The following CAMKMT variants were observed in gnomAD, a reference collection of about 807,000 sequenced individuals.
The protein encoded by CAMKMT is CaM KMT.
In CAMKMT, 53 loss-of-function variants were observed where a neutral mutation model predicts 48.0. That is an observed-to-expected ratio of 1.10 (90% CI 0.89 to 1.39). The LOEUF (loss-of-function observed/expected upper bound fraction) is 1.39, where lower values mean the gene tolerates loss of function less well. CAMKMT is among the 40% of genes most tolerant of loss of function. The pLI is 0.00. For missense variants in CAMKMT, 428 were observed against 402.7 expected, an observed-to-expected ratio of 1.06 and a Z score of -0.54; for synonymous variants, 165 against 152.3, an observed-to-expected ratio of 1.08 and a Z score of -0.61.
intron 9 of CAMKMT, 33 bp from the exon 10 acceptor site, chr2:44,766,397 T>G: frequency 6.2e-7 from 1 of 1,612,868 alleles, no homozygotes; most frequent in Non-Finnish European, 8.5e-7. Context: ...CTTCCAGTTT[T>G]AAAATATGTG....
intron 3 of CAMKMT, among the ~76,000 whole-genome samples, chr2:44,671,840 A>G (rs1420380205): frequency 6.6e-6 from 1 of 152,162 alleles, no homozygotes; most frequent in Non-Finnish European, 1.5e-5. Context: ...CCGATTCTCA[A>G]CCACATTTCT....
At chr2:44,506,374 A>T (rs533931816) in intron 3 of CAMKMT, among the ~76,000 whole-genome samples, 1 of 152,264 alleles carries the variant, frequency 6.6e-6, no homozygotes, top group African/African-American at 2.4e-5. Flanking sequence ...GATTTTGTAA[A>T]TAAAGGGATG....
At chr2:44,382,928 C>G (rs1006305793) in intron 2 of CAMKMT, among the ~76,000 whole-genome samples, 1 of 152,184 alleles carries the variant, frequency 6.6e-6, no homozygotes, top group Non-Finnish European at 1.5e-5. Context: ...AAACAAAACA[C>G]CACATACTGG....
intron 3 of CAMKMT, among the ~76,000 whole-genome samples, chr2:44,686,435 AC>A (rs1454559664): frequency 2.6e-5 from 4 of 152,112 alleles, no homozygotes; most frequent in African/African-American, 7.2e-5. Flanking sequence ...AAACAAAAAA[AC>A]AAACCCTCGT....
Position 44,670,805 on chromosome 2 carries a change from A to G in CAMKMT, c.377-33478A>G, listed in dbSNP as rs143240434. On this transcript the variant is annotated intron_variant, in intron 3 of 10. Transcript: ENST00000378494. ...CCTAGGTTATGCTGCTGATCCAGGA[A>G]CCACACTTTAAGAAACGCTGCCTCA... Among the ~76,000 whole-genome samples, 589 of 152,320 alleles carry G rather than the reference A, an allele frequency of 3.9e-3. 3 individuals are homozygous for G. The highest frequency in any genetic ancestry group is 0.014 in the African/African-American group (566 of 41,572).
intron 3 of CAMKMT, among the ~76,000 whole-genome samples, chr2:44,571,280 A>G (rs1168142360): frequency 6.6e-6 from 1 of 152,184 alleles, no homozygotes; most frequent in Non-Finnish European, 1.5e-5. Flanking sequence ...TTCCACATAA[A>G]AGAATGAAGA....
At chr2:44,770,369 T>C (rs1681052429) in intron 10 of CAMKMT, among the ~76,000 whole-genome samples, 1 of 152,260 alleles carries the variant, frequency 6.6e-6, no homozygotes, top group Non-Finnish European at 1.5e-5. Flanking sequence ...GCCTCCACTT[T>C]GGCCTCCAGA....
chr2:44,612,980 C>T (rs1284180227), intron 3 of CAMKMT, among the ~76,000 whole-genome samples: 4 of 152,084 alleles, frequency 2.6e-5, no homozygotes, highest in African/African-American at 7.2e-5. Flanking sequence ...CACATTTCTT[C>T]CAGATACATT....
At chr2:44,693,280 A>T (rs1676762496) in intron 3 of CAMKMT, among the ~76,000 whole-genome samples, 1 of 152,198 alleles carries the variant, frequency 6.6e-6, no homozygotes, top group African/African-American at 2.4e-5. Context: ...AAAACGTATC[A>T]TTTATTCTCA....
In CAMKMT at chr2:44,484,929, C is replaced by T. The variant is rs1273360247; in HGVS notation, c.376+94624C>T. 2.6e-5 allele frequency among the ~76,000 whole-genome samples: 4 copies of T among 152,018 alleles called. No homozygotes were observed. The South Asian group carries it at 6.2e-4, about 24-fold the overall frequency. On this transcript the variant is annotated intron_variant, in intron 3 of 10. Transcript: ENST00000378494. ...GTGAAAAACATGAACAGGCACTTCA[C>T]GAACAGTATATCCAAATGGCCGATA... is the stretch of plus-strand genomic sequence containing the variant.
intron 3 of CAMKMT, among the ~76,000 whole-genome samples, chr2:44,426,533 A>G (rs976476647): frequency 2.0e-5 from 3 of 152,230 alleles, no homozygotes; most frequent in Non-Finnish European, 4.4e-5. Flanking sequence ...TAGCATTTCT[A>G]TGTACCAATA....
chr2:44,439,878 G>A (rs1174226366), intron 3 of CAMKMT, among the ~76,000 whole-genome samples: 1 of 152,038 alleles, frequency 6.6e-6, no homozygotes, highest in East Asian at 1.9e-4. Context: ...AACGTTTCCA[G>A]GGCTTATGAA....
chr2:44,412,794 G>T (rs1683298396), intron 3 of CAMKMT, among the ~76,000 whole-genome samples: 1 of 151,988 alleles, frequency 6.6e-6, no homozygotes, highest in African/African-American at 2.4e-5. Context: ...AAAATAAAGA[G>T]GCTGGGCACG....
chr2:44,533,303 A>G (rs1666590209), intron 3 of CAMKMT, among the ~76,000 whole-genome samples: 1 of 149,268 alleles, frequency 6.7e-6, no homozygotes, highest in Non-Finnish European at 1.5e-5. Context: ...CAATGGTGTG[A>G]TCTTGGCTCA....
chr2:44,575,881 T>C (rs1476129297), intron 3 of CAMKMT, among the ~76,000 whole-genome samples: 1 of 152,030 alleles, frequency 6.6e-6, no homozygotes, highest in Non-Finnish European at 1.5e-5. Context: ...AATTGTTAAG[T>C]GCTTGTAAAG....
chr2:44,738,961 C>G (rs1263770450), intron 7 of CAMKMT, among the ~76,000 whole-genome samples: 1 of 152,108 alleles, frequency 6.6e-6, no homozygotes, highest in African/African-American at 2.4e-5. Context: ...TATTAAGACC[C>G]TAGAACAGAA....
chr2:44,385,946 A>G (rs1680742101), intron 2 of CAMKMT, among the ~76,000 whole-genome samples: 2 of 151,838 alleles, frequency 1.3e-5, no homozygotes, highest in South Asian at 2.1e-4. Flanking sequence ...TTTTTTGGTT[A>G]TGTCTGTCCC....
At position 44,668,911 on chromosome 2, in the gene CAMKMT, A is replaced by G. The variant is rs1675166879; in HGVS notation, c.377-35372A>G. On this transcript the variant is annotated intron_variant, in intron 3 of 10. Transcript: ENST00000378494. ...ATTCTTATGCCTCAGCCTCCCAAGT[A>G]GCTGGGACTACAGGTGCCTGCCACA... Among the ~76,000 whole-genome samples, 13 of 151,924 alleles carry G rather than the reference A, an allele frequency of 8.6e-5. No homozygotes were observed. In the South Asian group the frequency reaches 2.5e-3, roughly 29 times the overall value.
intron 7 of CAMKMT, among the ~76,000 whole-genome samples, chr2:44,717,169 C>CT (rs1678215230): frequency 6.6e-6 from 1 of 151,896 alleles, no homozygotes; most frequent in South Asian, 2.1e-4. Flanking sequence ...AGATATATTG[C>CT]TCTGATATGT....
Sources: allele counts gnomAD v4.1 joint callset (sites outside exome capture counted in the v4.1 genomes callset), GRCh38; gene constraint gnomAD v4.1.1; transcripts MANE v1.5; gene names NCBI Gene and HGNC (gene_info 2026-07-23, HGNC 2026-07-21).